Variants in ADIPOR2 observed in about 807,000 individuals in gnomAD.
ADIPOR2 encodes the protein adiponectin receptor 2.
In ADIPOR2, 18 loss-of-function variants were observed where a neutral mutation model predicts 40.9. The observed-to-expected ratio is 0.44, with a 90% CI of 0.30 to 0.65. ADIPOR2 has a LOEUF of 0.65. Ranked by LOEUF, ADIPOR2 falls within the 30% of genes least tolerant of loss-of-function variation. The pLI is 0.09. For synonymous variants in ADIPOR2, 165 were observed against 166.4 expected, an observed-to-expected ratio of 0.99 and a Z score of 0.06; for missense variants, 283 against 479.2, an observed-to-expected ratio of 0.59 and a Z score of 3.82.
intron 1 of ADIPOR2, among the ~76,000 whole-genome samples, chr12:1,714,507 T>C (rs2094683800): frequency 6.6e-6 from 1 of 152,098 alleles, no homozygotes; most frequent in Non-Finnish European, 1.5e-5. Flanking sequence ...CTGTAGCCGC[T>C]CGAGGAAGGC....
At chr12:1,728,969 T>TG (rs1170909766) in intron 1 of ADIPOR2, among the ~76,000 whole-genome samples, 2 of 150,968 alleles carry the variant, frequency 1.3e-5, no homozygotes, top group East Asian at 1.9e-4. Context: ...TTTTTTTTTT[T>TG]TTTTTTTTTT....
chr12:1,764,197 C>A (rs1862326633), intron 2 of ADIPOR2, among the ~76,000 whole-genome samples: 1 of 151,992 alleles, frequency 6.6e-6, no homozygotes, highest in Non-Finnish European at 1.5e-5. Context: ...ATTTTCTTAT[C>A]CTCAAAATTT....
At chr12:1,712,549 G>GCT (rs1325338533) in intron 1 of ADIPOR2, among the ~76,000 whole-genome samples, 3 of 152,078 alleles carry the variant, frequency 2.0e-5, no homozygotes, top group Non-Finnish European at 4.4e-5. Context: ...AGCTATTCCT[G>GCT]CTCTCTCTCT....
chr12:1,728,207 G>A (rs1453946126), intron 1 of ADIPOR2, among the ~76,000 whole-genome samples: 1 of 151,720 alleles, frequency 6.6e-6, no homozygotes, highest in Non-Finnish European at 1.5e-5. Flanking sequence ...CCGCCTCCCG[G>A]TTTCAAGTGA....
At chr12:1,692,319 C>T (rs2094628808) in intron 1 of ADIPOR2, among the ~76,000 whole-genome samples, 1 of 152,158 alleles carries the variant, frequency 6.6e-6, no homozygotes, top group South Asian at 2.1e-4. Context: ...ACCCTTATGT[C>T]TCCTTAAACG....
At chr12:1,706,118 G>A (rs987971615) in intron 1 of ADIPOR2, among the ~76,000 whole-genome samples, 2 of 152,226 alleles carry the variant, frequency 1.3e-5, no homozygotes, top group Non-Finnish European at 2.9e-5. Context: ...ACTTACTTTT[G>A]TGGGAGGCAG....
At chr12:1,705,333 T>A (rs2094659960) in intron 1 of ADIPOR2, among the ~76,000 whole-genome samples, 2 of 152,212 alleles carry the variant, frequency 1.3e-5, no homozygotes, top group South Asian at 4.1e-4. Flanking sequence ...ACTTTAATAT[T>A]TAGAACTGTT....
intron 1 of ADIPOR2, among the ~76,000 whole-genome samples, chr12:1,708,745 A>C (rs1005313585): frequency 1.5e-5 from 2 of 135,968 alleles, no homozygotes; most frequent in African/African-American, 5.0e-5. Flanking sequence ...TTTGAGACAG[A>C]GTCTTGTTCT....
chr12:1,772,199 C>G (rs745429273), intron 2 of ADIPOR2, among the ~76,000 whole-genome samples: 1 of 152,184 alleles, frequency 6.6e-6, no homozygotes, highest in Non-Finnish European at 1.5e-5. Flanking sequence ...TCATTTTCTC[C>G]AGAATGTGGA....
intron 1 of ADIPOR2, among the ~76,000 whole-genome samples, chr12:1,701,380 C>T (rs997063890): frequency 9.2e-5 from 14 of 152,054 alleles, no homozygotes; most frequent in African/African-American, 3.1e-4. Flanking sequence ...CTCGGCCTCC[C>T]AAAAGTGCTG....
chr12:1,732,150 GT>G (rs1296440823), intron 1 of ADIPOR2, among the ~76,000 whole-genome samples: 1 of 152,140 alleles, frequency 6.6e-6, no homozygotes, highest in Admixed American at 6.5e-5. Context: ...ATTTGTTACA[GT>G]TTATGAACTG....
rs552600835 is a variant in ADIPOR2, at chr12:1,770,802, C to G, written c.172-2040C>G. Among the ~76,000 whole-genome samples, 14 of 152,132 alleles carry G rather than the reference C, an allele frequency of 9.2e-5. 1 individual carries two copies. The South Asian group carries it at 2.9e-3, about 32-fold the overall frequency. ...ATTACTGTCAAATGAGAGGCACAGA[C>G]TTAAGTGCTAAAGAAGTCAGAAGAA... is the stretch of plus-strand genomic sequence containing the variant. On this transcript the variant is annotated intron_variant, in intron 2 of 7. Transcript: ENST00000357103.
At chr12:1,735,389 C>G (rs1444768832) in intron 1 of ADIPOR2, among the ~76,000 whole-genome samples, 1 of 152,140 alleles carries the variant, frequency 6.6e-6, no homozygotes, top group Non-Finnish European at 1.5e-5. Context: ...TGATTTGGCT[C>G]TCTGTTTGTC....
chr12:1,706,190 T>G lies in ADIPOR2; in HGVS notation c.-87+14999T>G, dbSNP rs2094662003. Among the ~76,000 whole-genome samples, 3 of 54,924 alleles carry G rather than the reference T, an allele frequency of 5.5e-5. No homozygotes were observed. In the Admixed American group the frequency reaches 8.3e-4, roughly 15 times the overall value. The allele number at this position is 54,924 out of a possible 152,430, so 36.0% of individuals were successfully genotyped here. A position where few individuals can be genotyped will look rare whatever the true frequency, so the allele number is the denominator to read the frequency against. ...GTACGTTGTGTAACCTTAGGGAGAT[T>G]ATCCAGAAAGTTTACCCTCAGTCTT... On this transcript the variant is annotated intron_variant, in intron 1 of 7. Coordinates refer to ENST00000357103, the MANE Select transcript of ADIPOR2 (RefSeq NM_024551.3).
chr12:1,770,374 T>C (rs1862472923), intron 2 of ADIPOR2, among the ~76,000 whole-genome samples: 1 of 152,220 alleles, frequency 6.6e-6, no homozygotes, highest in Non-Finnish European at 1.5e-5. Flanking sequence ...CTGACAGTAA[T>C]TTGTATGAGA....
intron 1 of ADIPOR2, among the ~76,000 whole-genome samples, chr12:1,717,108 C>T (rs2094689063): frequency 6.6e-6 from 1 of 152,146 alleles, no homozygotes; most frequent in South Asian, 2.1e-4. Flanking sequence ...GATGAGTCAA[C>T]TTGTTGATCA....
At chr12:1,744,186 A>C (rs139452362) in intron 1 of ADIPOR2, among the ~76,000 whole-genome samples, 1 of 151,402 alleles carries the variant, frequency 6.6e-6, no homozygotes, top group African/African-American at 2.4e-5. Flanking sequence ...AGCTCACTGC[A>C]AGCTCTGCCT....
At chr12:1,733,720 T>C (rs1366850539) in intron 1 of ADIPOR2, among the ~76,000 whole-genome samples, 2 of 152,090 alleles carry the variant, frequency 1.3e-5, no homozygotes, top group Non-Finnish European at 2.9e-5. Context: ...ACTAATCATT[T>C]AACGTTAGGT....
chr12:1,777,852 A>C lies in ADIPOR2; in HGVS notation c.292-2A>C. 1 of 1,606,776 alleles carries C rather than the reference A, an allele frequency of 6.2e-7. No individual in the cohort carries two copies. The highest frequency in any genetic ancestry group is 8.5e-7 in the Non-Finnish European group (1 of 1,176,996). ...AGATGTTTGATAATACCTCTCTGCC[A>C]GGTATGGGAAGGTCGGTGGCGAGTG... On this transcript the variant is annotated splice_acceptor_variant, in intron 3 of 7. Transcript: ENST00000357103. LOFTEE classifies it high-confidence loss of function.
Sources: gnomAD v4.1 joint callset for allele counts (sites outside exome capture counted in the v4.1 genomes callset) on GRCh38, gnomAD v4.1.1 for gene constraint, MANE v1.5 for transcripts, NCBI Gene and HGNC (gene_info 2026-07-23, HGNC 2026-07-21) for gene names.